CADPS2: variants seen among roughly 807,000 people sequenced by gnomAD.
CADPS2 encodes the protein calcium dependent secretion activator 2.
In CADPS2, 93 loss-of-function variants were observed where a neutral mutation model predicts 172.5. The observed-to-expected ratio is 0.54, with a 90% CI of 0.46 to 0.64. CADPS2 has a LOEUF of 0.64. Among genes scored for constraint, CADPS2 ranks in the 30% least tolerant of loss-of-function variants. The pLI, the probability that CADPS2 is intolerant of heterozygous loss-of-function variation, is 0.00. For missense variants in CADPS2, 1,420 were observed against 1,565.9 expected (o/e 0.91, Z 1.57); for synonymous variants, 546 against 555.2 (o/e 0.98, Z 0.23).
At chr7:122,820,405 T>G (rs1802807538) in intron 1 of CADPS2, among the ~76,000 whole-genome samples, 5 of 152,030 alleles carry the variant, frequency 3.3e-5, no homozygotes, top group Admixed American at 3.3e-4. Context: ...TGCATCCGAC[T>G]GATCTCTCAA....
chr7:122,416,324 G>T (rs2047916410), intron 17 of CADPS2, among the ~76,000 whole-genome samples, 160 bp from the exon 18 acceptor site: 1 of 150,300 alleles, frequency 6.7e-6, no homozygotes, highest in Non-Finnish European at 1.5e-5. Flanking sequence ...TCACCAGATT[G>T]CAGGAAATAT....
intron 1 of CADPS2, among the ~76,000 whole-genome samples, chr7:122,863,795 T>G (rs1041779877): frequency 6.6e-6 from 1 of 152,192 alleles, no homozygotes; most frequent in African/African-American, 2.4e-5. Flanking sequence ...TTTGAAAGGC[T>G]GAGGCATGCA....
intron 28 of CADPS2, chr7:122,331,907 ATCTGGATT>A (rs981686291): frequency 2.0e-5 from 3 of 152,224 alleles, no homozygotes; most frequent in African/African-American, 7.2e-5. Context: ...ATAGAAGGAC[ATCTGGATT>A]TCTGTTTTGT....
intron 17 of CADPS2, among the ~76,000 whole-genome samples, chr7:122,416,985 TC>T (rs2048001361): frequency 6.6e-6 from 1 of 152,188 alleles, no homozygotes; most frequent in Non-Finnish European, 1.5e-5. Context: ...ATAAATGTTG[TC>T]GGGGATTCAT....
chr7:122,684,045 ACTT>A (rs1197419082), intron 2 of CADPS2, among the ~76,000 whole-genome samples: 1 of 152,176 alleles, frequency 6.6e-6, no homozygotes, highest in Non-Finnish European at 1.5e-5. Flanking sequence ...TTACTTACTT[ACTT>A]GTTTTTATTT....
intron 20 of CADPS2, among the ~76,000 whole-genome samples, chr7:122,401,253 G>T (rs549929442): frequency 6.6e-6 from 1 of 152,306 alleles, no homozygotes; most frequent in African/African-American, 2.4e-5. Flanking sequence ...CTGTGACATT[G>T]ATTATATAAG....
At chr7:122,414,201 GAAT>G (rs1291366235) in intron 18 of CADPS2, 125 bp from the exon 19 acceptor site, 3 of 551,446 alleles carry the variant, frequency 5.4e-6, no homozygotes, top group Non-Finnish European at 8.9e-6. Context: ...TGATATTTAT[GAAT>G]AATGATTATC....
At chr7:122,710,479 T>C (rs1254459127) in intron 2 of CADPS2, among the ~76,000 whole-genome samples, 2 of 152,060 alleles carry the variant, frequency 1.3e-5, no homozygotes, top group East Asian at 3.9e-4. Flanking sequence ...CTGAGCCACA[T>C]TGAGCCTCAG....
intron 3 of CADPS2, among the ~76,000 whole-genome samples, chr7:122,647,158 T>C (rs1360724635): frequency 6.6e-6 from 1 of 152,178 alleles, no homozygotes; most frequent in Non-Finnish European, 1.5e-5. Context: ...AAAAGGTGGA[T>C]AGCAGGGGGC....
At chr7:122,675,992 C>T (rs1011060085) in intron 2 of CADPS2, among the ~76,000 whole-genome samples, 1 of 151,732 alleles carries the variant, frequency 6.6e-6, no homozygotes, top group Non-Finnish European at 1.5e-5. Flanking sequence ...GTAAAAAAAA[C>T]AACAACAAAA....
At chr7:122,778,295 G>A (rs2093946368) in intron 1 of CADPS2, among the ~76,000 whole-genome samples, 1 of 152,106 alleles carries the variant, frequency 6.6e-6, no homozygotes, top group South Asian at 2.1e-4. Context: ...TCTGGTGGAA[G>A]AAATCTCTAA....
In CADPS2 at chr7:122,319,937, G is replaced by A. The variant is rs971917762; in HGVS notation, c.*228C>T. 7.3e-6 allele frequency: 3 copies of A among 408,696 alleles called. No homozygotes were observed. 25.3% of individuals were successfully genotyped at this position (408,696 alleles called of 1,614,324 possible). A position where few individuals can be genotyped will look rare whatever the true frequency, so the allele number is the denominator to read the frequency against. On this transcript the variant is annotated 3_prime_UTR_variant, in exon 30 of 30. Transcript: ENST00000449022. ...TAGGTCAAACTACACAAAAGAGGAT[G>A]CTCTTCTCCAAAAAAACAAACAAAC...
chr7:122,643,512 T>C (rs1190108514), intron 3 of CADPS2, among the ~76,000 whole-genome samples: 1 of 152,158 alleles, frequency 6.6e-6, no homozygotes, highest in African/African-American at 2.4e-5. Flanking sequence ...TCGCTTTGAG[T>C]TTCAGCTTTG....
intron 6 of CADPS2, among the ~76,000 whole-genome samples, chr7:122,609,322 G>A (rs995116541): frequency 5.3e-5 from 8 of 152,062 alleles, no homozygotes; most frequent in African/African-American, 1.9e-4. Context: ...TTCCTTTTCA[G>A]TGGTATCATT....
chr7:122,683,079 A>G (rs547389023), intron 2 of CADPS2, among the ~76,000 whole-genome samples: 6 of 152,318 alleles, frequency 3.9e-5, no homozygotes, highest in East Asian at 3.9e-4. Context: ...ATCAGGTCAC[A>G]TGAACAGATT....
intron 1 of CADPS2, among the ~76,000 whole-genome samples, chr7:122,745,632 C>T (rs1461993807): frequency 1.3e-5 from 2 of 149,296 alleles, no homozygotes; most frequent in Admixed American, 6.7e-5. Flanking sequence ...CCTAAAGCCG[C>T]TTTTGTTGTA....
At chr7:122,773,473 C>T (rs532001258) in intron 1 of CADPS2, among the ~76,000 whole-genome samples, 4 of 151,970 alleles carry the variant, frequency 2.6e-5, no homozygotes, top group African/African-American at 4.8e-5. Flanking sequence ...AAGATACCTT[C>T]GGAAAAGATA....
At chr7:122,716,130 T>C (rs1271671033) in intron 2 of CADPS2, among the ~76,000 whole-genome samples, 1 of 152,154 alleles carries the variant, frequency 6.6e-6, no homozygotes, top group Non-Finnish European at 1.5e-5. Context: ...ACATATACAA[T>C]TATAATTTGT....
intron 7 of CADPS2, among the ~76,000 whole-genome samples, chr7:122,575,521 C>T (rs1217446803): frequency 6.6e-6 from 1 of 151,674 alleles, no homozygotes; most frequent in Non-Finnish European, 1.5e-5. Context: ...ACTGCAACCT[C>T]CCCCTCCAGG....
Sources: gnomAD v4.1 joint callset for allele counts (sites outside exome capture counted in the v4.1 genomes callset) on GRCh38, gnomAD v4.1.1 for gene constraint, MANE v1.5 for transcripts, NCBI Gene and HGNC (gene_info 2026-07-23, HGNC 2026-07-21) for gene names.